TNS4: variants seen among roughly 807,000 people sequenced by gnomAD.
TNS4 encodes the protein tensin 4.
In TNS4, 46 loss-of-function variants were observed where a neutral mutation model predicts 70.4. The observed-to-expected ratio is 0.65, with a 90% CI of 0.52 to 0.84. The LOEUF (loss-of-function observed/expected upper bound fraction) is 0.84, where lower values mean the gene tolerates loss of function less well. TNS4 is among the 40% of genes least tolerant of loss of function. The pLI is 0.00. For missense variants in TNS4, 863 were observed against 907.0 expected, an observed-to-expected ratio of 0.95 and a Z score of 0.62; for synonymous variants, 390 against 366.6, an observed-to-expected ratio of 1.06 and a Z score of -0.73.
chr17:40,491,963 G>A lies in TNS4; in HGVS notation c.440-2994C>T, dbSNP rs145583508. Among the ~76,000 whole-genome samples the A allele has an allele frequency of 8.5e-3, 1,300 of 152,264 alleles. 14 individuals carry two copies. Among genetic ancestry groups the A allele is most frequent in the Non-Finnish European group, 0.013 (912 of 68,002 alleles). ...GGGGCCTGTTCCAAAGATGGGGTGC[G>A]GGGTGTTGGAGAGGATAAAGAAAGG... is the stretch of plus-strand genomic sequence containing the variant. On this transcript the variant is annotated intron_variant, in intron 2 of 12. Transcript: ENST00000254051.
Position 40,478,349 on chromosome 17 carries a change from A to G in TNS4, c.1980-16T>C, listed in dbSNP as rs755977772. The G allele has an allele frequency of 3.1e-6, 5 of 1,609,634 alleles. No individual in the cohort carries two copies. In the Admixed American group the frequency reaches 5.1e-5, roughly 17 times the overall value. ...CTTCTGCCACCTGTAGGAAAAGAAC[A>G]TGATACCGAGTAATGAGGCTTCGCT... On this transcript the variant is annotated splice_polypyrimidine_tract_variant and intron_variant, in intron 11 of 12. Coordinates refer to ENST00000254051, the MANE Select transcript of TNS4 (RefSeq NM_032865.6).
chr17:40,499,813 G>A (rs1193399230), intron 1 of TNS4, among the ~76,000 whole-genome samples: 1 of 152,230 alleles, frequency 6.6e-6, no homozygotes, highest in Non-Finnish European at 1.5e-5. Context: ...CTCCCTGCAG[G>A]GTTTTCTGGC....
intron 2 of TNS4, among the ~76,000 whole-genome samples, chr17:40,493,725 G>T (rs1381874383): frequency 1.3e-5 from 2 of 152,186 alleles, no homozygotes; most frequent in Non-Finnish European, 2.9e-5. Context: ...GGCATGTGGT[G>T]CCCAGGGCAT....
In TNS4 at chr17:40,477,643, G is replaced by T. The variant is rs376025542; in HGVS notation, c.2093C>A (p.Ala698Asp). The stretch of plus-strand genomic sequence containing the variant: ...AGTCACCAGGCCGATGACCTGCGAG[G>T]CTGGCTGGACCATGTCATACTCCGC... ...LFAEYDMVQP[A>D]SQVIGLVTAL... The change falls in exon 13 of 13, where the codon GCC becomes GAC. Residue 698 changes from alanine to aspartate, a missense_variant. Ala to Asp is a moderately radical substitution (Grantham distance 126). Transcript: ENST00000254051. The T allele has an allele frequency of 1.1e-4, 178 of 1,614,022 alleles. No individual in the cohort carries two copies. The highest frequency in any genetic ancestry group is 1.5e-4 in the Non-Finnish European group (174 of 1,180,020).
chr17:40,486,996 C>A (rs747923179), intron 4 of TNS4, 40 bp downstream of exon 4: 1 of 1,599,076 alleles, frequency 6.3e-7, no homozygotes, highest in African/African-American at 1.3e-5. Context: ...TGTCTATTCC[C>A]CAAATCTTAC....
intron 2 of TNS4, among the ~76,000 whole-genome samples, chr17:40,490,504 C>T (rs2036054964): frequency 6.6e-6 from 1 of 152,192 alleles, no homozygotes; most frequent in African/African-American, 2.4e-5. Flanking sequence ...CCCTCAGCTC[C>T]CACCTGCCTG....
rs541742530 is a variant in TNS4, at chr17:40,488,053, G to A, written c.863+493C>T. Among the ~76,000 whole-genome samples the A allele has an allele frequency of 3.9e-5, 6 of 152,354 alleles. No homozygotes were observed. The East Asian group carries it at 9.6e-4, about 24-fold the overall frequency. On this transcript the variant is annotated intron_variant, in intron 3 of 12. Coordinates refer to ENST00000254051, the MANE Select transcript of TNS4 (RefSeq NM_032865.6). Reference sequence around the variant, plus strand: ...TGGTTCGGTCTTCCTGGGGCAGAATGGGTGCGCATGTGCCTGCAGTTCTGC... The same window carrying A: ...TGGTTCGGTCTTCCTGGGGCAGAATAGGTGCGCATGTGCCTGCAGTTCTGC...
chr17:40,486,203 G>A (rs1001757402), intron 4 of TNS4, among the ~76,000 whole-genome samples: 1 of 152,016 alleles, frequency 6.6e-6, no homozygotes, highest in Non-Finnish European at 1.5e-5. Context: ...CGGGAAGGAG[G>A]GTGTTTGCTG....
intron 3 of TNS4, 120 bp from the exon 4 acceptor site, chr17:40,487,580 T>A: frequency 9.9e-7 from 1 of 1,012,914 alleles, no homozygotes; most frequent in Non-Finnish European, 1.4e-6. Flanking sequence ...GAACACTGCA[T>A]ACCCCACCCC....
chr17:40,496,599 G>A, intron 1 of TNS4, 79 bp from the exon 2 acceptor site: 1 of 627,598 alleles, frequency 1.6e-6, no homozygotes, highest in African/African-American at 1.9e-5. Context: ...CAAAGGCTAA[G>A]TTATTCATTC....
At position 40,496,494 on chromosome 17, in the gene TNS4, C is replaced by T. The variant is rs1410165096; in HGVS notation, c.-69G>A. 1 of 1,487,208 alleles carries T rather than the reference C, an allele frequency of 6.7e-7. No homozygotes were observed. Among genetic ancestry groups the T allele is most frequent in the Non-Finnish European group, 9.0e-7 (1 of 1,112,836 alleles). The allele number at this position is 1,487,208 out of a possible 1,614,324, so 92.1% of individuals were successfully genotyped here. A position where few individuals can be genotyped will look rare whatever the true frequency, so the allele number is the denominator to read the frequency against. On this transcript the variant is annotated 5_prime_UTR_variant, in exon 2 of 13. Transcript: ENST00000254051. ...AGCCTCACTGACATCCCAGAGATCT[C>T]ACTTGCTAACCAGGAGCTCCCAGGA...
chr17:40,489,796 CAAAAA>C (rs11463268), intron 2 of TNS4, among the ~76,000 whole-genome samples: 1 of 105,620 alleles, frequency 9.5e-6, no homozygotes, highest in Admixed American at 1.0e-4. Flanking sequence ...GCCCCATCTC[CAAAAA>C]AAAAAAAAAA....
At chr17:40,485,078 G>A (rs2035974131) in intron 4 of TNS4, 71 bp from the exon 5 acceptor site, 6 of 1,362,918 alleles carry the variant, frequency 4.4e-6, no homozygotes, top group Non-Finnish European at 6.3e-6. Context: ...CACCAGAGAA[G>A]GCTGGAGACC....
Position 40,496,135 on chromosome 17 carries a change from G to A in TNS4, c.291C>T (p.Tyr97=). The A allele has an allele frequency of 6.2e-7, 1 of 1,610,580 alleles. No individual in the cohort carries two copies. Reference sequence around the variant, plus strand: ...TGAGGCTCTCCAGTGAGAAGTCAATGTAGGAGTCAAGGTCCTCTGGGGTCC... The same window carrying A: ...TGAGGCTCTCCAGTGAGAAGTCAATATAGGAGTCAAGGTCCTCTGGGGTCC... The part of the protein sequence containing the change: ...ALGTPEDLDS[Y]IDFSLESLNQ... Residue 97 remains tyrosine (Y), a synonymous_variant, in exon 2 of 13, where the codon TAC becomes TAT. Coordinates refer to ENST00000254051, the MANE Select transcript of TNS4 (RefSeq NM_032865.6).
chr17:40,493,945 C>A (rs2036107663), intron 2 of TNS4, among the ~76,000 whole-genome samples: 1 of 152,254 alleles, frequency 6.6e-6, no homozygotes, highest in African/African-American at 2.4e-5. Context: ...GTAATTAGGC[C>A]CAAGATGCCT....
chr17:40,497,764 C>G (rs572416682), intron 1 of TNS4, among the ~76,000 whole-genome samples: 1 of 152,114 alleles, frequency 6.6e-6, no homozygotes. Context: ...GGCCAGATCC[C>G]GTAGGGCCTT....
chr17:40,488,760 G>A lies in TNS4; in HGVS notation c.649C>T (p.Pro217Ser). 6.2e-7 allele frequency: 1 copy of A among 1,605,070 alleles called. No homozygotes were observed. Among genetic ancestry groups the A allele is most frequent in the Non-Finnish European group, 8.5e-7 (1 of 1,176,374 alleles). ...QGRGHQRPLP[P>S]SEGLSPRPPN... ...GGTCGAGGGGAGAGACCCTCTGAGGGGGGCAGAGGGCGCTGGTGCCCCCTG... is the reference window on the plus strand; with the variant it reads ...GGTCGAGGGGAGAGACCCTCTGAGGAGGGCAGAGGGCGCTGGTGCCCCCTG... Residue 217 changes from proline (P) to serine (S), a missense_variant, in exon 3 of 13, where the codon CCC (proline) becomes TCC (serine). By Grantham distance (74) the Pro-to-Ser change is moderately conservative. Coordinates refer to ENST00000254051, the MANE Select transcript of TNS4 (RefSeq NM_032865.6).
rs991291908 is a variant in TNS4 at position 40,496,278 on chromosome 17, C to A, written c.148G>T (p.Ala50Ser). 1 of 1,608,336 alleles carries A rather than the reference C, an allele frequency of 6.2e-7. No individual in the cohort carries two copies. ...CSYYTTEGWGAQALMAPVPCM... is the reference protein window; with the variant it reads ...CSYYTTEGWGSQALMAPVPCM... Reference sequence around the variant, plus strand: ...GGCACGGGGGCCATCAGGGCCTGGGCTCCCCAGCCTTCCGTGGTGTAGTAA... The same window carrying A: ...GGCACGGGGGCCATCAGGGCCTGGGATCCCCAGCCTTCCGTGGTGTAGTAA... Residue 50 changes from alanine (A) to serine (S), a missense_variant, in exon 2 of 13, where the codon GCC becomes TCC. Ala to Ser is a moderately conservative substitution (Grantham distance 99). Transcript: ENST00000254051.
rs1215401168 is a variant in TNS4, at chr17:40,482,354, G to A, written c.1564C>T (p.Leu522Phe). Residue 522 changes from leucine to phenylalanine, a missense_variant, in exon 7 of 13, where the codon CTC becomes TTC. Physicochemically the swap from Leu to Phe is conservative, Grantham distance 22 (BLOSUM62 0). Transcript: ENST00000254051. ...TAGGGCTCCTCATCTGCTCCTTTGA[G>A]ATGCACTCCTTTGGCAGACGACTCG... is the stretch of plus-strand genomic sequence containing the variant. ...LIESSAKGVH[L>F]KGADEEPYFG... 4 of 1,614,052 alleles carry A rather than the reference G, an allele frequency of 2.5e-6. No homozygotes were observed. Among genetic ancestry groups the A allele is most frequent in the Non-Finnish European group, 3.4e-6 (4 of 1,180,050 alleles).
Sources: allele counts gnomAD v4.1 joint callset (sites outside exome capture counted in the v4.1 genomes callset), GRCh38; gene constraint gnomAD v4.1.1; transcripts MANE v1.5; gene names NCBI Gene and HGNC (gene_info 2026-07-23, HGNC 2026-07-21).